The following PCDHGB6 variants were observed in gnomAD, a reference collection of about 807,000 sequenced individuals.
The protein encoded by PCDHGB6 is protocadherin gamma-B6.
Under a neutral mutation model 59.1 loss-of-function variants are expected in PCDHGB6, and 51 were observed. The ratio of observed to expected loss-of-function variants is 0.86; its 90% CI spans 0.69 to 1.09. The LOEUF is 1.09. PCDHGB6 is among the 50% of genes least tolerant of loss of function. The pLI is 0.00. For missense variants in PCDHGB6, 1,148 were observed against 1,205.1 expected (o/e 0.95, Z 0.70); for synonymous variants, 466 against 495.1 (o/e 0.94, Z 0.78).
intron 1 of PCDHGB6, among the ~76,000 whole-genome samples, chr5:141,466,292 T>C (rs1050311680): frequency 3.3e-5 from 5 of 152,134 alleles, no homozygotes; most frequent in Non-Finnish European, 5.9e-5. Context: ...CACCTCAGGC[T>C]CCCAAGTAGC....
chr5:141,418,151 G>T, intron 1 of PCDHGB6: 1 of 1,614,108 alleles, frequency 6.2e-7, no homozygotes, highest in Non-Finnish European at 8.5e-7. Flanking sequence ...AATATGCAAA[G>T]AGAGAAGAAG....
In PCDHGB6 at chr5:141,409,262, G is replaced by C. The variant is rs768196825; in HGVS notation, c.1060G>C (p.Asp354His). Reference sequence around the variant, plus strand: ...AGAAATAATCATCACTTCTCTCTCTGATCAGATTTTGGAGAATTCACCTCC... The same window carrying C: ...AGAAATAATCATCACTTCTCTCTCTCATCAGATTTTGGAGAATTCACCTCC... Reference protein sequence around the residue: ...SPEIIITSLSDQILENSPPGM... With the variant: ...SPEIIITSLSHQILENSPPGM... Residue 354 changes from aspartate (D) to histidine (H), a missense_variant, in exon 1 of 4, where the codon GAT becomes CAT. Physicochemically the swap from Asp to His is moderately conservative, Grantham distance 81 (BLOSUM62 -1). Coordinates refer to ENST00000520790, the MANE Select transcript of PCDHGB6 (RefSeq NM_018926.3). 1 of 1,613,952 alleles carries C rather than the reference G, an allele frequency of 6.2e-7. No individual in the cohort carries two copies. Among genetic ancestry groups the C allele is most frequent in the Admixed American group, 1.7e-5 (1 of 60,012 alleles).
Position 141,491,103 on chromosome 5 carries a change from G to T in PCDHGB6, c.2419-3704G>T, listed in dbSNP as rs1190609518. The T allele has an allele frequency of 6.2e-7, 1 of 1,614,162 alleles. No individual in the cohort carries two copies. ...CCACAGCCCCAGGACTGTTCCTCGT[G>T]TCTACACACACTGGTGAGGTGCGCA... On this transcript the variant is annotated intron_variant, in intron 1 of 3. Coordinates refer to ENST00000520790, the MANE Select transcript of PCDHGB6 (RefSeq NM_018926.3). The surrounding 1 kb of genome is among the most constrained non-coding windows in gnomAD (Gnocchi z 6.9).
At chr5:141,419,617 C>G (rs780077182) in intron 1 of PCDHGB6, 1 of 1,612,280 alleles carries the variant, frequency 6.2e-7, no homozygotes. Flanking sequence ...AGCCAGGCTA[C>G]CTGGTGACCA....
chr5:141,475,202 G>T (rs746895166), intron 1 of PCDHGB6, among the ~76,000 whole-genome samples: 38 of 152,086 alleles, frequency 2.5e-4, no homozygotes, highest in Non-Finnish European at 5.3e-4. Context: ...CAAGATCTTG[G>T]GAAAAGGATT....
At chr5:141,451,653 G>A (rs1440576814) in intron 1 of PCDHGB6, among the ~76,000 whole-genome samples, 2 of 152,166 alleles carry the variant, frequency 1.3e-5, no homozygotes, top group Non-Finnish European at 2.9e-5. Context: ...AGGCCAAGGA[G>A]GGTGGACTGC....
chr5:141,505,742 G>A (rs1024914690), intron 3 of PCDHGB6, among the ~76,000 whole-genome samples: 1 of 152,150 alleles, frequency 6.6e-6, no homozygotes, highest in Non-Finnish European at 1.5e-5. Flanking sequence ...TACAAGTCTA[G>A]CTCTGGAATG....
intron 1 of PCDHGB6, chr5:141,423,483 A>G (rs767321755): frequency 1.9e-6 from 3 of 1,613,974 alleles, no homozygotes; most frequent in Middle Eastern, 3.3e-4. Flanking sequence ...CTTTCCTGCA[A>G]ACCTATTCCC....
In PCDHGB6 at chr5:141,489,652, C is replaced by A. The variant is rs767143028; in HGVS notation, c.2419-5155C>A. On this transcript the variant is annotated intron_variant, in intron 1 of 3. Transcript: ENST00000520790. The surrounding 1 kb of genome is among the most constrained non-coding windows in gnomAD (Gnocchi z 4.5). ...CTCTCCTAGCTTTGCCACCCCTGAG[C>A]GAGAGATGCGCATCTCAGAATCAGC... 34 of 1,614,024 alleles carry A rather than the reference C, an allele frequency of 2.1e-5. No homozygotes were observed. The Middle Eastern group carries it at 6.6e-4, about 31-fold the overall frequency.
At position 141,487,219 on chromosome 5, in the gene PCDHGB6, A is replaced by G. The variant is rs750819958; in HGVS notation, c.2419-7588A>G. ...CAGATCTTCGAGAATCTTCAGCTCC[A>G]AGGGAAGGAGAATCTCGTCTAACCC... On this transcript the variant is annotated intron_variant, in intron 1 of 3. Transcript: ENST00000520790. This position sits in a 1 kb window ranked among gnomAD's most constrained non-coding sequence, Gnocchi z 5.0. The G allele has an allele frequency of 1.2e-6, 2 of 1,613,952 alleles. No individual in the cohort carries two copies. The highest frequency in any genetic ancestry group is 3.3e-5 in the Admixed American group (2 of 60,020).
chr5:141,504,010 C>G (rs980812107), intron 2 of PCDHGB6, among the ~76,000 whole-genome samples: 9 of 152,204 alleles, frequency 5.9e-5, no homozygotes, highest in African/African-American at 1.2e-4. Context: ...TTAACTGTCT[C>G]TGCTGGTCTC....
intron 1 of PCDHGB6, chr5:141,419,303 G>A (rs1561779463): frequency 1.2e-6 from 2 of 1,613,970 alleles, no homozygotes; most frequent in Non-Finnish European, 1.7e-6. Flanking sequence ...CCCAGACTTC[G>A]GGCTCAACGG....
At chr5:141,413,822 T>G in intron 1 of PCDHGB6, 1 of 1,613,216 alleles carries the variant, frequency 6.2e-7, no homozygotes, top group Non-Finnish European at 8.5e-7. Context: ...CACCTGGTCC[T>G]CACCGCCTCC....
chr5:141,469,419 A>G (rs1047562022), intron 1 of PCDHGB6, among the ~76,000 whole-genome samples: 2 of 152,066 alleles, frequency 1.3e-5, no homozygotes, highest in South Asian at 2.1e-4. Flanking sequence ...TACTAAAAAT[A>G]TAAAACTTAG....
chr5:141,440,693 C>T (rs2098194597), intron 1 of PCDHGB6: 1 of 152,136 alleles, frequency 6.6e-6, no homozygotes, highest in Non-Finnish European at 1.5e-5. Context: ...GTAAAAGTGA[C>T]CAACAGTGGA....
intron 2 of PCDHGB6, among the ~76,000 whole-genome samples, chr5:141,498,112 AG>A (rs947089103): frequency 2.0e-5 from 3 of 152,232 alleles, no homozygotes; most frequent in African/African-American, 7.2e-5. Flanking sequence ...GGCGTATAAT[AG>A]GGATTTGATT....
intron 1 of PCDHGB6, chr5:141,418,245 A>G: frequency 5.6e-6 from 9 of 1,614,046 alleles, no homozygotes; most frequent in Non-Finnish European, 7.6e-6. Flanking sequence ...GTTAATGACC[A>G]CGCCCCTCAA....
intron 1 of PCDHGB6, among the ~76,000 whole-genome samples, chr5:141,461,267 T>C (rs2099012147): frequency 6.6e-6 from 1 of 152,140 alleles, no homozygotes; most frequent in Admixed American, 6.6e-5. Flanking sequence ...AATGTGTAAG[T>C]GTTCTCTTTT....
chr5:141,472,878 C>G (rs774209715), intron 1 of PCDHGB6, among the ~76,000 whole-genome samples: 1 of 146,132 alleles, frequency 6.8e-6, no homozygotes, highest in East Asian at 2.1e-4. Context: ...CCCAGCTACT[C>G]GGGAGGCTGA....
Sources: allele counts gnomAD v4.1 joint callset (sites outside exome capture counted in the v4.1 genomes callset), GRCh38; gene constraint gnomAD v4.1.1; non-coding constraint Gnocchi (gnomAD v3.1); transcripts MANE v1.5; gene names NCBI Gene and HGNC (gene_info 2026-07-23, HGNC 2026-07-21).